The following SYT1 variants were observed in gnomAD, a reference collection of about 807,000 sequenced individuals.
SYT1 encodes synaptotagmin-1.
SYT1 carries 8 observed loss-of-function variants against 44.8 expected under a neutral mutation model. The observed-to-expected ratio is 0.18, with a 90% confidence interval of 0.10 to 0.32. The LOEUF (loss-of-function observed/expected upper bound fraction) is 0.32. Ranked by LOEUF, SYT1 falls within the 10% of genes least tolerant of loss-of-function variation. The pLI, the probability that SYT1 is intolerant of heterozygous loss-of-function variation, is 1.00. For missense variants in SYT1, 286 were observed against 509.3 expected (o/e 0.56, Z 4.22); for synonymous variants, 154 against 188.8 (o/e 0.82, Z 1.51).
chr12:79,260,610 G>C (rs1877775601), intron 4 of SYT1, among the ~76,000 whole-genome samples: 1 of 152,020 alleles, frequency 6.6e-6, no homozygotes, highest in Non-Finnish European at 1.5e-5. Flanking sequence ...CCTTTCCCAG[G>C]TTTGAACTTT....
chr12:78,968,950 CA>C (rs1376990668), intron 1 of SYT1, among the ~76,000 whole-genome samples: 2 of 152,104 alleles, frequency 1.3e-5, no homozygotes, highest in African/African-American at 2.4e-5. Context: ...AACAAGTAAA[CA>C]AATTCTATAA....
At chr12:78,907,356 A>T (rs1876049623) in intron 1 of SYT1, among the ~76,000 whole-genome samples, 2 of 152,002 alleles carry the variant, frequency 1.3e-5, no homozygotes, top group Non-Finnish European at 2.9e-5. Context: ...ACAATATGGA[A>T]AAATCAATTA....
At chr12:79,245,194 G>A (rs963000128) in intron 4 of SYT1, among the ~76,000 whole-genome samples, 8 of 151,578 alleles carry the variant, frequency 5.3e-5, no homozygotes, top group Non-Finnish European at 1.2e-4. Context: ...TGCCGGGCGC[G>A]GTGGCTCACG....
chr12:79,355,371 T>C (rs1157333345), intron 9 of SYT1, among the ~76,000 whole-genome samples: 1 of 152,218 alleles, frequency 6.6e-6, no homozygotes, highest in Non-Finnish European at 1.5e-5. Context: ...AATTTTGTAT[T>C]CATAATTTTA....
intron 5 of SYT1, 145 bp downstream of exon 5, chr12:79,286,116 C>A: frequency 1.1e-6 from 1 of 911,550 alleles, no homozygotes; most frequent in Non-Finnish European, 1.6e-6. Context: ...AGTCATTGTT[C>A]AAGATCCCAA....
At chr12:79,236,883 A>G (rs185029367) in intron 4 of SYT1, among the ~76,000 whole-genome samples, 3 of 152,330 alleles carry the variant, frequency 2.0e-5, no homozygotes, top group Non-Finnish European at 4.4e-5. Context: ...GGTAATTTGG[A>G]ATTAGGTTAG....
rs1458447484 is a variant in SYT1 at position 78,890,159 on chromosome 12, A to G, written c.-217+25050A>G. On this transcript the variant is annotated intron_variant, in intron 1 of 10. Coordinates refer to ENST00000261205, the MANE Select transcript of SYT1 (RefSeq NM_005639.3). Reference sequence around the variant, plus strand: ...AGTGCTTTTATTTCTTACAATCTGTACAATAAGGTGACTTGCCTTGAAAGC... The same window carrying G: ...AGTGCTTTTATTTCTTACAATCTGTGCAATAAGGTGACTTGCCTTGAAAGC... 2.6e-5 allele frequency among the ~76,000 whole-genome samples: 4 copies of G among 151,978 alleles called. No individual in the cohort carries two copies. The East Asian group carries it at 7.8e-4, about 30-fold the overall frequency.
At chr12:79,381,773 A>G (rs1884233083) in intron 9 of SYT1, among the ~76,000 whole-genome samples, 1 of 152,200 alleles carries the variant, frequency 6.6e-6, no homozygotes. Flanking sequence ...AATGCAGAGA[A>G]TGAGCAGCTT....
intron 9 of SYT1, among the ~76,000 whole-genome samples, chr12:79,388,670 C>T (rs55646296): frequency 0.12 from 18,543 of 152,116 alleles, 1,185 homozygotes; most frequent in Non-Finnish European, 0.14. Context: ...AGGATCGTAC[C>T]ACTGCACTCC....
chr12:78,911,657 G>T (rs1378656821), intron 1 of SYT1, among the ~76,000 whole-genome samples: 1 of 151,922 alleles, frequency 6.6e-6, no homozygotes, highest in African/African-American at 2.4e-5. Context: ...ATCCCAGCAA[G>T]GGCTGTTTCA....
intron 3 of SYT1, among the ~76,000 whole-genome samples, chr12:79,114,113 A>G (rs1592760051): frequency 1.3e-5 from 2 of 152,128 alleles, no homozygotes; most frequent in East Asian, 3.9e-4. Flanking sequence ...TAAGGAAAAT[A>G]CCTTGGGTTG....
intron 1 of SYT1, among the ~76,000 whole-genome samples, chr12:78,906,142 C>A (rs553125931): frequency 1.1e-4 from 17 of 151,784 alleles, no homozygotes; most frequent in African/African-American, 4.1e-4. Context: ...AAAAGAGGTT[C>A]CTTTCAATAG....
intron 1 of SYT1, among the ~76,000 whole-genome samples, chr12:78,948,414 T>C (rs1878784204): frequency 6.6e-6 from 1 of 151,976 alleles, no homozygotes; most frequent in South Asian, 2.1e-4. Context: ...CTCACACTAT[T>C]TAGCATAGTT....
rs113338125 is a variant in SYT1, at chr12:79,102,270, TTCTC to T, written c.-18+54924_-18+54927del. 3.0e-4 allele frequency among the ~76,000 whole-genome samples: 45 copies of T among 148,700 alleles called. No individual in the cohort carries two copies. The South Asian group carries it at 7.5e-3, about 25-fold the overall frequency. On this transcript the variant is annotated intron_variant, in intron 3 of 10. Coordinates refer to ENST00000261205, the MANE Select transcript of SYT1 (RefSeq NM_005639.3). The stretch of plus-strand genomic sequence containing the variant: ...TCTCTTTCCTTCTCTCTCTCTCTCT[TTCTC>T]TCTCTCTCTCTCTCTGTCCTTCCTA...
chr12:78,980,637 C>G (rs1869181185), intron 2 of SYT1, among the ~76,000 whole-genome samples: 1 of 151,956 alleles, frequency 6.6e-6, no homozygotes, highest in Non-Finnish European at 1.5e-5. Context: ...CTGTTTCATG[C>G]CCAGATTCAA....
At chr12:79,041,183 G>T (rs1271756959) in intron 2 of SYT1, among the ~76,000 whole-genome samples, 2 of 151,236 alleles carry the variant, frequency 1.3e-5, no homozygotes, top group Non-Finnish European at 3.0e-5. Context: ...AGCTTGATGG[G>T]GATGGCATTG....
Position 79,283,875 on chromosome 12 carries a change from A to G in SYT1, c.167-1912A>G, listed in dbSNP as rs368919647. Among the ~76,000 whole-genome samples the G allele has an allele frequency of 4.6e-5, 7 of 151,556 alleles. 1 individual carries two copies. The highest frequency in any genetic ancestry group is 3.3e-4 in the Admixed American group (5 of 15,160). On this transcript the variant is annotated intron_variant, in intron 4 of 10. Coordinates refer to ENST00000261205, the MANE Select transcript of SYT1 (RefSeq NM_005639.3). ...TGTAGTTTTATGTCCTTAGGTTAAC[A>G]TCTAGTATCCAGTCATAAGCCAGAA...
chr12:79,165,296 T>G (rs1485795445), intron 3 of SYT1, among the ~76,000 whole-genome samples: 2 of 151,976 alleles, frequency 1.3e-5, no homozygotes, highest in African/African-American at 4.8e-5. Flanking sequence ...ATTACATAGC[T>G]TATGTGGTAT....
intron 5 of SYT1, among the ~76,000 whole-genome samples, chr12:79,286,693 G>GT (rs1249986788): frequency 6.6e-6 from 1 of 151,986 alleles, no homozygotes; most frequent in East Asian, 1.9e-4. Context: ...GTTGCTATCT[G>GT]TTTTTGGCTA....
Sources: allele counts gnomAD v4.1 joint callset (sites outside exome capture counted in the v4.1 genomes callset), GRCh38; gene constraint gnomAD v4.1.1; transcripts MANE v1.5; gene names NCBI Gene and HGNC (gene_info 2026-07-23, HGNC 2026-07-21).